The following ELAPOR1 variants were observed in gnomAD, a reference collection of about 807,000 sequenced individuals.
ELAPOR1 encodes endosome-lysosome associated apoptosis and autophagy regulator 1.
In ELAPOR1, 77 loss-of-function variants were observed where a neutral mutation model predicts 119.7. The ratio of observed to expected loss-of-function variants is 0.64; its 90% CI spans 0.54 to 0.78. The LOEUF is 0.78. ELAPOR1 is among the 30% of genes least tolerant of loss of function. The pLI is 0.00. For synonymous variants in ELAPOR1, 481 were observed against 487.2 expected (o/e 0.99, Z 0.17); for missense variants, 1,115 against 1,270.4 (o/e 0.88, Z 1.86).
intron 16 of ELAPOR1, 34 bp downstream of exon 16, chr1:109,197,688 A>AGAGAGTGT (rs113482805): frequency 5.1e-6 from 7 of 1,365,636 alleles, no homozygotes; most frequent in East Asian, 2.5e-5. Context: ...CTTGTTTGAG[A>AGAGAGTGT]GTGTGTGTGT....
intron 8 of ELAPOR1, chr1:109,186,744 C>T (rs2101099389): frequency 1.0e-6 from 1 of 985,610 alleles, no homozygotes. Context: ...CTGTTCATAA[C>T]ATGTGACTGA....
chr1:109,115,787 T>C (rs946573992), intron 1 of ELAPOR1, among the ~76,000 whole-genome samples: 3 of 152,210 alleles, frequency 2.0e-5, no homozygotes, highest in African/African-American at 7.2e-5. Context: ...AGTGGGACTT[T>C]TGATAACCTT....
At chr1:109,185,779 C>T (rs1026322850) in intron 8 of ELAPOR1, among the ~76,000 whole-genome samples, 3 of 152,048 alleles carry the variant, frequency 2.0e-5, no homozygotes, top group Non-Finnish European at 4.4e-5. Flanking sequence ...GTCAAGGCAA[C>T]CAGAGGGATG....
At chr1:109,163,957 C>A (rs970072101) in intron 2 of ELAPOR1, among the ~76,000 whole-genome samples, 3 of 152,152 alleles carry the variant, frequency 2.0e-5, no homozygotes, top group African/African-American at 4.8e-5. Flanking sequence ...GGTCAGGGCA[C>A]CTCTCCAAAG....
At chr1:109,142,921 G>A (rs1443596422) in intron 1 of ELAPOR1, among the ~76,000 whole-genome samples, 1 of 151,684 alleles carries the variant, frequency 6.6e-6, no homozygotes, top group Non-Finnish European at 1.5e-5. Flanking sequence ...ACTGATGAAT[G>A]GATAAAATAA....
At chr1:109,193,888 T>G (rs1283874194) in intron 14 of ELAPOR1, among the ~76,000 whole-genome samples, 1 of 152,190 alleles carries the variant, frequency 6.6e-6, no homozygotes, top group Non-Finnish European at 1.5e-5. Context: ...CGGCTACCGC[T>G]GAATGGTGAC....
intron 2 of ELAPOR1, among the ~76,000 whole-genome samples, chr1:109,163,899 T>C (rs552323650): frequency 6.6e-6 from 1 of 151,792 alleles, no homozygotes; most frequent in Non-Finnish European, 1.5e-5. Context: ...TTCAGAGGGG[T>C]CAGCACAAGA....
At chr1:109,198,415 C>T (rs1254458965) in intron 17 of ELAPOR1, among the ~76,000 whole-genome samples, 158 bp from the exon 18 acceptor site, 6 of 152,214 alleles carry the variant, frequency 3.9e-5, no homozygotes, top group Non-Finnish European at 7.3e-5. Flanking sequence ...ACCCTTTCCA[C>T]GTATAAACCA....
chr1:109,178,013 T>TTA (rs1233455007), intron 7 of ELAPOR1, among the ~76,000 whole-genome samples: 1 of 147,072 alleles, frequency 6.8e-6, no homozygotes, highest in Non-Finnish European at 1.5e-5. Flanking sequence ...TTTTCTTTCT[T>TTA]TTTTTTTTTT....
intron 10 of ELAPOR1, 82 bp downstream of exon 10, chr1:109,189,276 T>C (rs770930348): frequency 3.3e-5 from 49 of 1,502,322 alleles, no homozygotes; most frequent in Non-Finnish European, 4.4e-5. Context: ...TTCATAATAG[T>C]GATGTCTGAG....
chr1:109,144,221 G>C (rs901712424), intron 1 of ELAPOR1, among the ~76,000 whole-genome samples: 2 of 150,174 alleles, frequency 1.3e-5, no homozygotes, highest in Non-Finnish European at 3.0e-5. Flanking sequence ...CACCATGCCC[G>C]GCTAATTTTT....
At chr1:109,154,281 CAAAAAAAAAAAA>C (rs745938875) in intron 1 of ELAPOR1, among the ~76,000 whole-genome samples, 1 of 39,744 alleles carries the variant, frequency 2.5e-5, no homozygotes, top group Non-Finnish European at 5.4e-5. Flanking sequence ...AACTCCGTCT[CAAAAAAAAAAAA>C]AAAAAAAAAA....
chr1:109,176,473 G>A (rs1255551646), intron 7 of ELAPOR1, among the ~76,000 whole-genome samples: 1 of 152,166 alleles, frequency 6.6e-6, no homozygotes, highest in Non-Finnish European at 1.5e-5. Context: ...TCACACAGGT[G>A]TGAAAGTATG....
chr1:109,194,325 G>A (rs1452943821), intron 14 of ELAPOR1, 96 bp from the exon 15 acceptor site: 5 of 1,093,376 alleles, frequency 4.6e-6, no homozygotes, highest in Admixed American at 4.0e-5. Context: ...ACCCCATTTG[G>A]GCGGGACCAG....
chr1:109,125,778 C>G (rs968537249), intron 1 of ELAPOR1, among the ~76,000 whole-genome samples: 4 of 152,152 alleles, frequency 2.6e-5, no homozygotes, highest in African/African-American at 9.7e-5. Context: ...AACACACACA[C>G]CAAGCAAAAA....
intron 15 of ELAPOR1, 102 bp downstream of exon 15, chr1:109,194,696 AG>A (rs1653675385): frequency 1.9e-6 from 2 of 1,038,542 alleles, no homozygotes; most frequent in African/African-American, 3.1e-5. Flanking sequence ...TTCAGGTAGC[AG>A]GGGGTTGAGG....
At chr1:109,195,260 T>C (rs1653711413) in intron 15 of ELAPOR1, among the ~76,000 whole-genome samples, 1 of 151,728 alleles carries the variant, frequency 6.6e-6, no homozygotes, top group Non-Finnish European at 1.5e-5. Flanking sequence ...TTGGGAGGCC[T>C]AGGTGGGTGG....
intron 10 of ELAPOR1, 80 bp downstream of exon 10, chr1:109,189,274 A>G: frequency 6.6e-7 from 1 of 1,505,250 alleles, no homozygotes; most frequent in South Asian, 1.2e-5. Context: ...TCTTCATAAT[A>G]GTGATGTCTG....
At chr1:109,194,398 C>T (rs370148421) in intron 14 of ELAPOR1, 23 bp from the exon 15 acceptor site, 10 of 1,608,912 alleles carry the variant, frequency 6.2e-6, no homozygotes, top group Non-Finnish European at 8.5e-6. Context: ...CCAGCTGGCC[C>T]GACCCGTCCC....
Sources: allele counts gnomAD v4.1 joint callset (sites outside exome capture counted in the v4.1 genomes callset), GRCh38; gene constraint gnomAD v4.1.1; transcripts MANE v1.5; gene names NCBI Gene and HGNC (gene_info 2026-07-23, HGNC 2026-07-21).